The following CCDC171 variants were observed in gnomAD, a reference collection of about 807,000 sequenced individuals.
The protein encoded by CCDC171 is coiled-coil domain-containing protein 171.
Under a neutral mutation model 168.2 loss-of-function variants are expected in CCDC171, and 177 were observed. The observed-to-expected ratio is 1.05, with a 90% CI of 0.93 to 1.19. CCDC171 has a LOEUF of 1.19. Ranked by LOEUF, CCDC171 falls within the 50% of genes most tolerant of loss-of-function variation. The pLI is 0.00. For missense variants in CCDC171, 1,991 were observed against 1,539.0 expected (o/e 1.29, Z -4.91); for synonymous variants, 687 against 540.8 (o/e 1.27, Z -3.75).
At chr9:15,999,266 G>C (rs866864023) in intron 3 of CCDC171, among the ~76,000 whole-genome samples, 1 of 141,348 alleles carries the variant, frequency 7.1e-6, no homozygotes, top group Admixed American at 7.2e-5. Context: ...GAGAGAAAGA[G>C]AAAGAAAGAA....
chr9:15,807,301 A>T (rs909548808), intron 21 of CCDC171, among the ~76,000 whole-genome samples: 3 of 152,160 alleles, frequency 2.0e-5, no homozygotes, highest in African/African-American at 7.2e-5. Context: ...TGGCCATTTG[A>T]TTTCCCAGAG....
At chr9:15,691,546 T>TTATATATATATATATATATATATA (rs55892512) in intron 10 of CCDC171, among the ~76,000 whole-genome samples, 4 of 106,376 alleles carry the variant, frequency 3.8e-5, no homozygotes, top group Admixed American at 9.6e-5. Context: ...TATATGTTTT[T>TTATATATATATATATATATATATA]TATATATATA....
At chr9:15,641,246 C>T (rs546527211) in intron 7 of CCDC171, among the ~76,000 whole-genome samples, 3 of 152,240 alleles carry the variant, frequency 2.0e-5, no homozygotes, top group East Asian at 3.9e-4. Flanking sequence ...TAACATACAA[C>T]ACACTCCTGA....
At chr9:15,862,294 C>T (rs551326086) in intron 23 of CCDC171, among the ~76,000 whole-genome samples, 1 of 151,630 alleles carries the variant, frequency 6.6e-6, no homozygotes, top group East Asian at 1.9e-4. Context: ...TTTCACGTGG[C>T]CTATCTTCAA....
At chr9:15,768,258 C>G (rs1049422687) in intron 18 of CCDC171, among the ~76,000 whole-genome samples, 1 of 151,860 alleles carries the variant, frequency 6.6e-6, no homozygotes, top group Admixed American at 6.6e-5. Context: ...CCCAAAACTT[C>G]CTTCTGAAAA....
Position 15,744,381 on chromosome 9 carries a change from A to G in CCDC171, c.2158A>G (p.Thr720Ala). ...GCACTTCAAAAAACTGTTATCACAGACTCAAAGGGAACAGATGTCCTTGCT... is the reference window on the plus strand; with the variant it reads ...GCACTTCAAAAAACTGTTATCACAGGCTCAAAGGGAACAGATGTCCTTGCT... ...NSHFKKLLSQTQREQMSLLAA... is the reference protein window; with the variant it reads ...NSHFKKLLSQAQREQMSLLAA... The change falls in exon 17 of 26, where the codon ACT becomes GCT. Residue 720 changes from threonine to alanine, a missense_variant. Coordinates refer to ENST00000380701, the MANE Select transcript of CCDC171 (RefSeq NM_173550.4). 6.2e-7 allele frequency: 1 copy of G among 1,614,184 alleles called. No individual in the cohort carries two copies. Among genetic ancestry groups the G allele is most frequent in the South Asian group, 1.1e-5 (1 of 91,080 alleles).
chr9:15,939,117 G>C (rs2132263550), intron 25 of CCDC171, among the ~76,000 whole-genome samples: 1 of 150,670 alleles, frequency 6.6e-6, no homozygotes, highest in East Asian at 2.0e-4. Context: ...AAAGAAAATG[G>C]CCCAAGAAGG....
chr9:15,738,780 G>C (rs1009400758), intron 16 of CCDC171, among the ~76,000 whole-genome samples: 4 of 152,060 alleles, frequency 2.6e-5, no homozygotes, highest in African/African-American at 9.7e-5. Context: ...CTGACATGTA[G>C]ATAAGTTCCA....
intron 16 of CCDC171, among the ~76,000 whole-genome samples, chr9:15,739,392 C>A: frequency 6.6e-6 from 1 of 152,120 alleles, no homozygotes; most frequent in South Asian, 2.1e-4. Flanking sequence ...CTGGGGAAGA[C>A]GTGGGGATGT....
intron 7 of CCDC171, among the ~76,000 whole-genome samples, chr9:15,626,486 C>A (rs1377254977): frequency 2.0e-5 from 3 of 152,100 alleles, no homozygotes; most frequent in Admixed American, 2.0e-4. Flanking sequence ...GATATACATC[C>A]CATCAATACC....
intron 3 of CCDC171, among the ~76,000 whole-genome samples, chr9:15,990,364 C>A (rs534054371): frequency 6.6e-6 from 1 of 152,164 alleles, no homozygotes; most frequent in African/African-American, 2.4e-5. Flanking sequence ...CCTTAACAGA[C>A]AAGCAAATGC....
In CCDC171 at chr9:15,645,944, G is replaced by A. The variant is rs373957972; in HGVS notation, c.823-11183G>A. ...AAGAGCAATTCCAAGACACATAATT[G>A]TCAGATTCACCAAAGTTGAAATGAA... On this transcript the variant is annotated intron_variant, in intron 7 of 25. Coordinates refer to ENST00000380701, the MANE Select transcript of CCDC171 (RefSeq NM_173550.4). Among the ~76,000 whole-genome samples, 6 of 152,262 alleles carry A rather than the reference G, an allele frequency of 3.9e-5. No individual in the cohort carries two copies. The East Asian group carries it at 9.6e-4, about 24-fold the overall frequency.
chr9:15,707,408 A>G (rs10810433), intron 11 of CCDC171, among the ~76,000 whole-genome samples: 1 of 151,956 alleles, frequency 6.6e-6, no homozygotes, highest in South Asian at 2.1e-4. Flanking sequence ...AACAATAGAA[A>G]CTCATTTCTA....
Position 15,987,787 on chromosome 9 carries a change from T to C in CCDC171, n.369-32802T>C, listed in dbSNP as rs1413256977. On this transcript the variant is annotated intron_variant and non_coding_transcript_variant, in intron 3 of 9. Transcript: ENST00000486641. Reference sequence around the variant, plus strand: ...TTTCACATTTTGGAATATTTGCATATACATAATGAGATATCTTGGGGATGG... The same window carrying C: ...TTTCACATTTTGGAATATTTGCATACACATAATGAGATATCTTGGGGATGG... 2.0e-5 allele frequency among the ~76,000 whole-genome samples: 3 copies of C among 152,230 alleles called. No homozygotes were observed. The South Asian group carries it at 6.2e-4, about 31-fold the overall frequency.
At chr9:15,614,737 T>C (rs2043959336) in intron 6 of CCDC171, among the ~76,000 whole-genome samples, 1 of 152,224 alleles carries the variant, frequency 6.6e-6, no homozygotes, top group African/African-American at 2.4e-5. Flanking sequence ...TATCATGTTT[T>C]CTCATTTTAA....
In CCDC171 at chr9:15,581,969, G is replaced by A. The variant is rs532657223; in HGVS notation, c.352+2946G>A. The stretch of plus-strand genomic sequence containing the variant: ...ACTAAAGAGCTTCTGCACAGCAAAA[G>A]AAACTATCATCAGAATGAACAGGGA... On this transcript the variant is annotated intron_variant, in intron 4 of 25. Transcript: ENST00000380701. Among the ~76,000 whole-genome samples the A allele has an allele frequency of 2.0e-5, 3 of 152,290 alleles. No individual in the cohort carries two copies. In the East Asian group the frequency reaches 5.8e-4, roughly 29 times the overall value.
chr9:15,626,777 T>A (rs183715491), intron 7 of CCDC171, among the ~76,000 whole-genome samples: 4 of 152,118 alleles, frequency 2.6e-5, no homozygotes, highest in Non-Finnish European at 5.9e-5. Context: ...AAAATTCTCT[T>A]TTTTTTAGTT....
At chr9:15,646,456 C>G (rs887825290) in intron 7 of CCDC171, among the ~76,000 whole-genome samples, 3 of 152,100 alleles carry the variant, frequency 2.0e-5, no homozygotes, top group Non-Finnish European at 4.4e-5. Context: ...CACAGACTGG[C>G]AAATTGGATA....
At chr9:15,997,920 C>T (rs983232482) in intron 3 of CCDC171, among the ~76,000 whole-genome samples, 4 of 152,180 alleles carry the variant, frequency 2.6e-5, no homozygotes, top group Non-Finnish European at 4.4e-5. Flanking sequence ...TGATGATCAG[C>T]ATCAATTACC....
Sources: allele counts gnomAD v4.1 joint callset (sites outside exome capture counted in the v4.1 genomes callset), GRCh38; gene constraint gnomAD v4.1.1; transcripts MANE v1.5; gene names NCBI Gene and HGNC (gene_info 2026-07-23, HGNC 2026-07-21).